Variants in CLIC5 observed in about 807,000 individuals in gnomAD.
CLIC5 encodes the protein CLIC family member 5.
CLIC5 carries 20 observed loss-of-function variants against 24.7 expected under a neutral mutation model. The observed-to-expected ratio is 0.81, with a 90% confidence interval of 0.57 to 1.18. The LOEUF is 1.18. Among genes scored for constraint, CLIC5 ranks in the 50% most tolerant of loss-of-function variants. CLIC5 has a pLI of 0.00. For synonymous variants in CLIC5, 159 were observed against 135.6 expected, an observed-to-expected ratio of 1.17 and a Z score of -1.20; for missense variants, 341 against 326.1, an observed-to-expected ratio of 1.05 and a Z score of -0.35.
intron 5 of CLIC5, among the ~76,000 whole-genome samples, chr6:45,910,782 G>A (rs553953664): frequency 1.6e-4 from 25 of 152,266 alleles, no homozygotes; most frequent in African/African-American, 5.5e-4. Flanking sequence ...TCTCTTCTTT[G>A]CCAGTGAATC....
intron 4 of CLIC5, chr6:45,937,493 T>C (rs1763980280): frequency 6.6e-6 from 1 of 152,200 alleles, no homozygotes; most frequent in African/African-American, 2.4e-5. Flanking sequence ...TTGGGTAAAG[T>C]TGTGCAGCTA....
intron 1 of CLIC5, among the ~76,000 whole-genome samples, chr6:46,042,110 G>A (rs928560963): frequency 6.6e-6 from 1 of 152,112 alleles, no homozygotes. Flanking sequence ...TTTGTCTCAT[G>A]TCAGGAAGGA....
chr6:46,069,771 A>G (rs1369456740), intron 1 of CLIC5, among the ~76,000 whole-genome samples: 1 of 152,118 alleles, frequency 6.6e-6, no homozygotes, highest in Admixed American at 6.6e-5. Context: ...TACAGCAAAA[A>G]AAGAAAACTT....
intron 1 of CLIC5, among the ~76,000 whole-genome samples, chr6:45,974,495 G>GTATATATA (rs1456137513): frequency 6.5e-5 from 5 of 76,558 alleles, no homozygotes; most frequent in African/African-American, 2.4e-4. Flanking sequence ...GTGTGTGTGT[G>GTATATATA]TGTATATATA....
At position 45,955,209 on chromosome 6, in the gene CLIC5, A is replaced by G. The variant is rs367709520; in HGVS notation, c.99T>C (p.Pro33=). Residue 33 remains proline (P), a synonymous_variant, in exon 2 of 6, where the codon CCT becomes CCC. Transcript: ENST00000339561. ...GIDGESIGNC[P]FSQRLFMILW... is the part of the protein sequence containing the mutation. ...GGATCATGAAGAGGCGCTGAGAGAAAGGACAGTTGCCGATGCTTTCTCCAT... is the reference window on the plus strand; with the variant it reads ...GGATCATGAAGAGGCGCTGAGAGAAGGGACAGTTGCCGATGCTTTCTCCAT... 6.2e-7 allele frequency: 1 copy of G among 1,614,036 alleles called. No homozygotes were observed.
intron 4 of CLIC5, among the ~76,000 whole-genome samples, chr6:45,936,613 G>T (rs1763946321): frequency 6.6e-6 from 1 of 152,132 alleles, no homozygotes; most frequent in South Asian, 2.1e-4. Flanking sequence ...GCATTACAGA[G>T]TTGAAGTAAC....
At chr6:46,064,356 A>G (rs1181053836) in intron 1 of CLIC5, among the ~76,000 whole-genome samples, 5 of 152,052 alleles carry the variant, frequency 3.3e-5, no homozygotes, top group Non-Finnish European at 7.4e-5. Flanking sequence ...CTACCAAACT[A>G]TTAGGGAAGA....
intron 4 of CLIC5, chr6:45,934,325 A>T (rs1763853503): frequency 6.6e-6 from 1 of 152,176 alleles, no homozygotes; most frequent in South Asian, 2.1e-4. Context: ...GTAGCTATAA[A>T]GCCTTTCTGG....
At chr6:46,007,733 G>T (rs1012102917) in intron 1 of CLIC5, among the ~76,000 whole-genome samples, 6 of 152,110 alleles carry the variant, frequency 3.9e-5, no homozygotes, top group Non-Finnish European at 8.8e-5. Context: ...GAGAAGGTCA[G>T]ACTGGATGAC....
chr6:46,096,380 T>C, the CLIC5 span, among the ~76,000 whole-genome samples: 1 of 152,204 alleles, frequency 6.6e-6, no homozygotes, highest in African/African-American at 2.4e-5. Context: ...TAAGTTGTGG[T>C]ATATCCACAC....
At position 45,882,487 on chromosome 6, in the gene CLIC5, A is replaced by G. The variant is rs75759827; in HGVS notation, c.624-1299T>C. On this transcript the variant is annotated intron_variant, in intron 6 of 6. Transcript: ENST00000644324. ...GTTCTTCTTTAACCCTGTGACTCCA[A>G]GCCTTTCCTCCTTCCCACTCTTTTC... Among the ~76,000 whole-genome samples, 675 of 152,328 alleles carry G rather than the reference A, an allele frequency of 4.4e-3. 5 individuals carry two copies. The highest frequency in any genetic ancestry group is 0.015 in the African/African-American group (622 of 41,574).
chr6:45,948,859 G>A (rs965370824), intron 3 of CLIC5, among the ~76,000 whole-genome samples: 2 of 152,184 alleles, frequency 1.3e-5, no homozygotes, highest in East Asian at 3.9e-4. Flanking sequence ...ACCCTTTCCT[G>A]ACTTATTTTC....
chr6:45,911,708 T>C (rs1159911448), intron 5 of CLIC5: 14 of 985,274 alleles, frequency 1.4e-5, no homozygotes, highest in Non-Finnish European at 1.7e-5. Flanking sequence ...TGTAAATATA[T>C]ACTTCTATTG....
chr6:45,971,659 C>T (rs1765205666), intron 1 of CLIC5, among the ~76,000 whole-genome samples: 1 of 152,184 alleles, frequency 6.6e-6, no homozygotes. Context: ...AACATTGCAA[C>T]TTGTGCTTCA....
chr6:45,938,970 A>G (rs1338250573), intron 4 of CLIC5, among the ~76,000 whole-genome samples: 4 of 152,100 alleles, frequency 2.6e-5, no homozygotes, highest in African/African-American at 4.8e-5. Flanking sequence ...CTTTCCCACA[A>G]TGGCTCTGAG....
At chr6:46,100,569 A>G in the CLIC5 span, among the ~76,000 whole-genome samples, 2 of 152,216 alleles carry the variant, frequency 1.3e-5, no homozygotes, top group African/African-American at 2.4e-5. Flanking sequence ...CTAAGACCAC[A>G]GGGGCAGCAA....
intron 6 of CLIC5, among the ~76,000 whole-genome samples, chr6:45,886,564 G>C (rs931234667): frequency 2.0e-5 from 3 of 152,194 alleles, no homozygotes; most frequent in Admixed American, 6.5e-5. Flanking sequence ...TGGGGCGTTT[G>C]ATTTATGCTT....
chr6:45,905,858 T>A (rs1315144912), intron 5 of CLIC5, among the ~76,000 whole-genome samples: 1 of 152,220 alleles, frequency 6.6e-6, no homozygotes, highest in Non-Finnish European at 1.5e-5. Flanking sequence ...TTGAGGTAAA[T>A]CTTTAATCCA....
At chr6:45,933,757 G>T (rs1210484597) in intron 4 of CLIC5, among the ~76,000 whole-genome samples, 1 of 152,242 alleles carries the variant, frequency 6.6e-6, no homozygotes, top group Non-Finnish European at 1.5e-5. Flanking sequence ...TGGGTGGACA[G>T]AGAGGGGCAG....
Sources: allele counts gnomAD v4.1 joint callset (sites outside exome capture counted in the v4.1 genomes callset), GRCh38; gene constraint gnomAD v4.1.1; transcripts MANE v1.5; gene names NCBI Gene and HGNC (gene_info 2026-07-23, HGNC 2026-07-21).